Variants in USP21 observed in about 807,000 individuals in gnomAD.
USP21 encodes ubiquitin carboxyl-terminal hydrolase 21.
A neutral mutation model predicts 70.8 loss-of-function variants in USP21; 37 were observed. The ratio of observed to expected loss-of-function variants is 0.52; its 90% CI spans 0.40 to 0.69. USP21 has a LOEUF of 0.69. Among genes scored for constraint, USP21 ranks in the 30% least tolerant of loss-of-function variants. USP21 has a pLI of 0.00. For synonymous variants in USP21, 263 were observed against 283.1 expected (o/e 0.93, Z 0.71); for missense variants, 584 against 740.8 (o/e 0.79, Z 2.46).
In USP21 at chr1:161,163,885, T is replaced by G. The variant is rs1254432738; in HGVS notation, c.1122T>G (p.Phe374Leu). The change falls in exon 9 of 14, where the codon TTT becomes TTG. Residue 374 changes from phenylalanine (F) to leucine (L), a missense_variant. Transcript: ENST00000368002. ...CCCTGTGCTTCTGTCTAGACCTGTTTGTGGGCCAGTTGAAAAGTTGTCTCA... is the reference window on the plus strand; with the variant it reads ...CCCTGTGCTTCTGTCTAGACCTGTTGGTGGGCCAGTTGAAAAGTTGTCTCA... ...EREDSKIVDL[F>L]VGQLKSCLKC... 1.2e-6 allele frequency: 2 copies of G among 1,613,952 alleles called. No individual in the cohort carries two copies. The highest frequency in any genetic ancestry group is 1.3e-5 in the African/African-American group (1 of 74,894).
At position 161,165,561 on chromosome 1, in the gene USP21, G is replaced by A; in HGVS notation, c.*114G>A. 1 of 305,460 alleles carries A rather than the reference G, an allele frequency of 3.3e-6. No homozygotes were observed. The highest frequency in any genetic ancestry group is 6.5e-6 in the Non-Finnish European group (1 of 154,626). 18.9% of individuals were successfully genotyped at this position (305,460 alleles called of 1,614,324 possible). On this transcript the variant is annotated 3_prime_UTR_variant, in exon 14 of 14. Coordinates refer to ENST00000368002, the MANE Select transcript of USP21 (RefSeq NM_001014443.3). The stretch of plus-strand genomic sequence containing the variant: ...CTTTTTAATCGGGGAGGGGGGAGGG[G>A]GTGGTTGTAGCTCCATTATTTTTTT...
In USP21 at chr1:161,161,382, C is replaced by T; in HGVS notation, c.600+142C>T. 2.7e-6 allele frequency: 3 copies of T among 1,094,792 alleles called. No homozygotes were observed. The highest frequency in any genetic ancestry group is 3.3e-5 in the South Asian group (2 of 61,308). 67.8% of individuals were successfully genotyped at this position (1,094,792 alleles called of 1,614,324 possible). On this transcript the variant is annotated intron_variant, in intron 3 of 13. Transcript: ENST00000368002. The surrounding 1 kb of genome is among the most constrained non-coding windows in gnomAD (Gnocchi z 4.2). ...GCAGTTTGGACATGCCTCTCCCTTG[C>T]TTAAATACCCTTGAGCCTCCTAGAC...
At position 161,160,882 on chromosome 1, in the gene USP21, C is replaced by A; in HGVS notation, c.242C>A (p.Pro81His). 6.2e-7 allele frequency: 1 copy of A among 1,614,232 alleles called. No individual in the cohort carries two copies. The highest frequency in any genetic ancestry group is 8.5e-7 in the Non-Finnish European group (1 of 1,180,052). ...GRTSGPRPRG[P>H]LRADHGVPLP... ...ACCTCAGGCCCTCGTCCCAGAGGCC[C>A]CCTTCGAGCAGATCATGGGGTTCCC... Residue 81 changes from proline to histidine, a missense_variant, in exon 3 of 14, where the codon CCC becomes CAC. Coordinates refer to ENST00000368002, the MANE Select transcript of USP21 (RefSeq NM_001014443.3).
chr1:161,164,276 A>G lies in USP21; in HGVS notation c.1305+26A>G. ...GTATGTGGAGGTTCACAAGGGATACAGTAAGGGTGGGAGACCTGGGGGGAC... is the reference window on the plus strand; with the variant it reads ...GTATGTGGAGGTTCACAAGGGATACGGTAAGGGTGGGAGACCTGGGGGGAC... On this transcript the variant is annotated intron_variant, in intron 10 of 13. Coordinates refer to ENST00000368002, the MANE Select transcript of USP21 (RefSeq NM_001014443.3). The surrounding 1 kb of genome is among the most constrained non-coding windows in gnomAD (Gnocchi z 4.2). 4 of 1,609,712 alleles carry G rather than the reference A, an allele frequency of 2.5e-6. No individual in the cohort carries two copies. Among genetic ancestry groups the G allele is most frequent in the Non-Finnish European group, 3.4e-6 (4 of 1,176,060 alleles).
Position 161,164,719 on chromosome 1 carries a change from A to C in USP21, c.1384+107A>C. Reference sequence around the variant, plus strand: ...TTTCCTTAGGAAAAGTCTGCCACCCACTTTTCCACAAGATGCTCCCAGTGT... The same window carrying C: ...TTTCCTTAGGAAAAGTCTGCCACCCCCTTTTCCACAAGATGCTCCCAGTGT... On this transcript the variant is annotated intron_variant, in intron 11 of 13. Transcript: ENST00000368002. The surrounding 1 kb of genome is among the most constrained non-coding windows in gnomAD (Gnocchi z 4.2). The C allele has an allele frequency of 1.2e-6, 2 of 1,600,934 alleles. No homozygotes were observed. Among genetic ancestry groups the C allele is most frequent in the East Asian group, 4.5e-5 (2 of 44,672 alleles).
rs1210627810 is a variant in USP21, at chr1:161,161,554, CTAAT to C, written c.600+319_600+322del. 7.4e-6 allele frequency: 3 copies of C among 407,730 alleles called. No homozygotes were observed. Among genetic ancestry groups the C allele is most frequent in the South Asian group, 7.4e-5 (2 of 27,032 alleles). The allele number at this position is 407,730 out of a possible 1,614,324, so 25.3% of individuals were successfully genotyped here. ...TTCTCTACTGGGACTCTGCCTAGGC[CTAAT>C]TAATCTCTGGAGCTAAAGAGAGGCA... is the stretch of plus-strand genomic sequence containing the variant. On this transcript the variant is annotated intron_variant, in intron 3 of 13. Transcript: ENST00000368002. This position sits in a 1 kb window ranked among gnomAD's most constrained non-coding sequence, Gnocchi z 4.2.
chr1:161,160,019 A>G (rs1657779113), intron 1 of USP21, among the ~76,000 whole-genome samples: 1 of 152,052 alleles, frequency 6.6e-6, no homozygotes. Context: ...GAGGTGGGGG[A>G]GGGAATGGAT....
In USP21 at chr1:161,163,940, A is replaced by G; in HGVS notation, c.1177A>G (p.Thr393Ala). 1 of 1,614,106 alleles carries G rather than the reference A, an allele frequency of 6.2e-7. No individual in the cohort carries two copies. The highest frequency in any genetic ancestry group is 8.5e-7 in the Non-Finnish European group (1 of 1,180,028). ...CCAGGCCTGTGGGTATCGCTCCACG[A>G]CCTTCGAGGTTTTTTGTGACCTGTC... ...KCQACGYRST[T>A]FEVFCDLSLP... Residue 393 changes from threonine to alanine, a missense_variant, in exon 9 of 14, where the codon ACC becomes GCC. Physicochemically the swap from Thr to Ala is moderately conservative, Grantham distance 58. Around this residue, in one of 4 missense-constraint regions of USP21, gnomAD observed 173 missense variants for 268.2 expected, o/e 0.65. Transcript: ENST00000368002.
chr1:161,164,864 T>TC lies in USP21; in HGVS notation c.1416dup (p.Ile473HisfsTer23). 6.2e-7 allele frequency: 1 copy of TC among 1,613,928 alleles called. No homozygotes were observed. The highest frequency in any genetic ancestry group is 8.5e-7 in the Non-Finnish European group (1 of 1,179,908). ...GAATCGATTTTCTGCCTCCCGAGGC[T>TC]CCATCAAAAAAAGTTCAGTAGGTGT... On this transcript the variant is annotated frameshift_variant, in exon 12 of 14. Coordinates refer to ENST00000368002, the MANE Select transcript of USP21 (RefSeq NM_001014443.3). LOFTEE classifies it high-confidence loss of function. The surrounding 1 kb of genome is among the most constrained non-coding windows in gnomAD (Gnocchi z 4.2).
rs1051824348 is a variant in USP21 at position 161,164,295 on chromosome 1, G to A, written c.1305+45G>A. Reference sequence around the variant, plus strand: ...GGATACAGTAAGGGTGGGAGACCTGGGGGGACTCCATGTGGATAAAAGGGA... The same window carrying A: ...GGATACAGTAAGGGTGGGAGACCTGAGGGGACTCCATGTGGATAAAAGGGA... On this transcript the variant is annotated intron_variant, in intron 10 of 13. Coordinates refer to ENST00000368002, the MANE Select transcript of USP21 (RefSeq NM_001014443.3). The surrounding 1 kb of genome is among the most constrained non-coding windows in gnomAD (Gnocchi z 4.2). 1 of 1,561,582 alleles carries A rather than the reference G, an allele frequency of 6.4e-7. No homozygotes were observed. Among genetic ancestry groups the A allele is most frequent in the East Asian group, 2.2e-5 (1 of 44,634 alleles).
At position 161,165,048 on chromosome 1, in the gene USP21, G is replaced by A. The variant is rs767518085; in HGVS notation, c.1512G>A (p.Leu504=). The change falls in exon 13 of 14, where the codon CTG becomes CTA. Residue 504 remains leucine (L), a synonymous_variant. Coordinates refer to ENST00000368002, the MANE Select transcript of USP21 (RefSeq NM_001014443.3). Reference sequence around the variant, plus strand: ...CCGCAGGAAGTCCTGTATACCAGCTGTATGCCCTTTGCAACCACTCAGGCA... The same window carrying A: ...CCGCAGGAAGTCCTGTATACCAGCTATATGCCCTTTGCAACCACTCAGGCA... The part of the protein sequence containing the change: ...SDKAGSPVYQ[L]YALCNHSGSV... 15 of 1,614,086 alleles carry A rather than the reference G, an allele frequency of 9.3e-6. No homozygotes were observed. The highest frequency in any genetic ancestry group is 1.3e-5 in the Non-Finnish European group (15 of 1,180,040).
In USP21 at chr1:161,162,871, G is replaced by C; in HGVS notation, c.894-48G>C. 1 of 1,597,700 alleles carries C rather than the reference G, an allele frequency of 6.3e-7. No homozygotes were observed. Among genetic ancestry groups the C allele is most frequent in the Non-Finnish European group, 8.5e-7 (1 of 1,169,594 alleles). ...AATATCTGGGCAGGGAATAGTGTCT[G>C]TGGACTAGGAGAGGAGTCAGTTGCC... On this transcript the variant is annotated intron_variant, in intron 6 of 13. Coordinates refer to ENST00000368002, the MANE Select transcript of USP21 (RefSeq NM_001014443.3). The surrounding 1 kb of genome is among the most constrained non-coding windows in gnomAD (Gnocchi z 4.1).
rs2101816684 is a variant in USP21 at position 161,164,324 on chromosome 1, C to T, written c.1305+74C>T. On this transcript the variant is annotated intron_variant, in intron 10 of 13. Transcript: ENST00000368002. The surrounding 1 kb of genome is among the most constrained non-coding windows in gnomAD (Gnocchi z 4.2). The stretch of plus-strand genomic sequence containing the variant: ...GACTCCATGTGGATAAAAGGGATTG[C>T]ATGATGTCTTCATATGGGGAATAAT... The T allele has an allele frequency of 6.9e-7, 1 of 1,451,956 alleles. No individual in the cohort carries two copies. Among genetic ancestry groups the T allele is most frequent in the East Asian group, 2.3e-5 (1 of 44,080 alleles). 89.9% of individuals were successfully genotyped at this position (1,451,956 alleles called of 1,614,324 possible).
chr1:161,160,591 C>G (rs1431131539), intron 2 of USP21, 29 bp from the exon 3 acceptor site: 21 of 1,576,446 alleles, frequency 1.3e-5, no homozygotes, highest in Non-Finnish European at 1.8e-5. Context: ...CCCCCATATT[C>G]AAATGCTGAC....
chr1:161,165,280 T>TC, intron 13 of USP21, 77 bp from the exon 14 acceptor site: 1 of 1,474,504 alleles, frequency 6.8e-7, no homozygotes, highest in Non-Finnish European at 9.5e-7. Context: ...TCCTGGATGC[T>TC]CTGAGGTTCG....
intron 13 of USP21, 22 bp downstream of exon 13, chr1:161,165,165 C>A: frequency 6.3e-7 from 1 of 1,597,748 alleles, no homozygotes; most frequent in Non-Finnish European, 8.6e-7. Context: ...CTCCTATTTA[C>A]ATCCTGCCCC....
chr1:161,165,609 T>G lies in USP21; in HGVS notation c.*162T>G, dbSNP rs1571309334. 1.7e-6 allele frequency: 1 copy of G among 587,060 alleles called. No homozygotes were observed. 36.4% of individuals were successfully genotyped at this position (587,060 alleles called of 1,614,324 possible). ...TTTTATTAAAAAATACCCTTCCACCTGGAGGCTCCCTTGTCTCCCAGCCCC... is the reference window on the plus strand; with the variant it reads ...TTTTATTAAAAAATACCCTTCCACCGGGAGGCTCCCTTGTCTCCCAGCCCC... On this transcript the variant is annotated 3_prime_UTR_variant, in exon 14 of 14. Transcript: ENST00000368002.
chr1:161,163,809 G>A, intron 8 of USP21, 69 bp from the exon 9 acceptor site: 5 of 1,492,546 alleles, frequency 3.3e-6, no homozygotes, highest in Non-Finnish European at 3.7e-6. Context: ...AGGAAGAGAT[G>A]GAAATCCAAG....
chr1:161,165,106 C>T lies in USP21; in HGVS notation c.1570C>T (p.Arg524Trp), dbSNP rs1658475627. The stretch of plus-strand genomic sequence containing the variant: ...CTATGGCCACTACACAGCCCTGTGC[C>T]GGTGCCAGACTGGTTGGCATGTCTA... The part of the protein sequence containing the change: ...VHYGHYTALC[R>W]CQTGWHVYND... The change falls in exon 13 of 14, where the codon CGG becomes TGG. Residue 524 changes from arginine (R) to tryptophan (W), a missense_variant. Transcript: ENST00000368002. The T allele has an allele frequency of 3.1e-6, 5 of 1,613,922 alleles. No individual in the cohort carries two copies. The highest frequency in any genetic ancestry group is 2.7e-5 in the African/African-American group (2 of 74,958).
Sources: gnomAD v4.1 joint callset for allele counts (sites outside exome capture counted in the v4.1 genomes callset) on GRCh38, gnomAD v4.1.1 for gene constraint, gnomAD v4.1.1 regional missense constraint, Gnocchi (gnomAD v3.1) non-coding constraint, MANE v1.5 for transcripts, NCBI Gene and HGNC (gene_info 2026-07-23, HGNC 2026-07-21) for gene names.